The following RBFOX1 variants were observed in gnomAD, a reference collection of about 807,000 sequenced individuals.
RBFOX1 encodes RNA binding protein fox-1 homolog 1.
Under a neutral mutation model 57.7 loss-of-function variants are expected in RBFOX1, and 8 were observed. The ratio of observed to expected loss-of-function variants is 0.14; its 90% CI spans 0.08 to 0.25. The LOEUF (loss-of-function observed/expected upper bound fraction) is 0.25, where lower values mean the gene tolerates loss of function less well. Among genes scored for constraint, RBFOX1 ranks in the 10% least tolerant of loss-of-function variants. The pLI is 1.00. For missense variants in RBFOX1, 611 were observed against 548.5 expected, an observed-to-expected ratio of 1.11 and a Z score of -1.14; for synonymous variants, 326 against 222.4, an observed-to-expected ratio of 1.47 and a Z score of -4.15.
chr16:7,012,558 T>C (rs2093702683), intron 3 of RBFOX1, among the ~76,000 whole-genome samples: 1 of 152,216 alleles, frequency 6.6e-6, no homozygotes, highest in Admixed American at 6.5e-5. Flanking sequence ...TCTGGTTTCC[T>C]TTCTCTCTTG....
chr16:6,787,249 C>G (rs764106790), intron 3 of RBFOX1, among the ~76,000 whole-genome samples: 3 of 152,224 alleles, frequency 2.0e-5, no homozygotes, highest in East Asian at 1.9e-4. Context: ...ATGCAGTTCC[C>G]TAACTGATCG....
chr16:6,960,881 C>G (rs2082824575), intron 3 of RBFOX1, among the ~76,000 whole-genome samples: 1 of 151,168 alleles, frequency 6.6e-6, no homozygotes, highest in South Asian at 2.1e-4. Context: ...CATCTGTAAT[C>G]CCAGCACTTT....
intron 1 of RBFOX1, among the ~76,000 whole-genome samples, chr16:6,064,657 C>T (rs557514704): frequency 2.0e-5 from 3 of 152,264 alleles, no homozygotes; most frequent in South Asian, 4.2e-4. Flanking sequence ...TCTCCTGCCT[C>T]AGCCTCCCAA....
chr16:5,493,059 C>T (rs1381170369), intron 2 of RBFOX1, among the ~76,000 whole-genome samples: 3 of 152,180 alleles, frequency 2.0e-5, no homozygotes, highest in Non-Finnish European at 4.4e-5. Flanking sequence ...TACATATTGT[C>T]TGTGACTTCT....
At chr16:6,078,080 C>A (rs1318555210) in intron 1 of RBFOX1, among the ~76,000 whole-genome samples, 1 of 152,172 alleles carries the variant, frequency 6.6e-6, no homozygotes, top group Non-Finnish European at 1.5e-5. Context: ...TCATCTTTGT[C>A]TAATCTTTAG....
chr16:6,607,724 G>C (rs1204834213), intron 2 of RBFOX1, among the ~76,000 whole-genome samples: 3 of 151,902 alleles, frequency 2.0e-5, no homozygotes, highest in Non-Finnish European at 2.9e-5. Context: ...AATTATTTTA[G>C]AATTTTGTGG....
intron 2 of RBFOX1, among the ~76,000 whole-genome samples, chr16:5,514,338 T>G (rs931310179): frequency 6.6e-6 from 1 of 152,172 alleles, no homozygotes; most frequent in Admixed American, 6.5e-5. Flanking sequence ...GGGCATGTGT[T>G]TCTCATCATG....
chr16:5,463,188 C>T (rs1049501426), intron 1 of RBFOX1, among the ~76,000 whole-genome samples: 1 of 152,174 alleles, frequency 6.6e-6, no homozygotes, highest in African/African-American at 2.4e-5. Flanking sequence ...GGAGTTTTCT[C>T]TTCCTTTATA....
chr16:5,779,195 C>T (rs4513101), intron 3 of RBFOX1, among the ~76,000 whole-genome samples: 41,420 of 151,720 alleles, frequency 0.27, 6,035 homozygotes, highest in East Asian at 0.55. Context: ...CTTTCCTTCC[C>T]CCCTCACGTC....
chr16:5,355,458 G>T (rs1486761809), intron 1 of RBFOX1, among the ~76,000 whole-genome samples: 1 of 152,164 alleles, frequency 6.6e-6, no homozygotes, highest in African/African-American at 2.4e-5. Flanking sequence ...CAATGTCTGG[G>T]TCAGGAGGCA....
At chr16:5,598,774 CAG>C in intron 2 of RBFOX1, 1 of 696,202 alleles carries the variant, frequency 1.4e-6, no homozygotes, top group South Asian at 1.9e-5. Flanking sequence ...GGTGGAGAGA[CAG>C]AGGGTACTGT....
chr16:5,484,513 C>T (rs1050940508), intron 2 of RBFOX1, among the ~76,000 whole-genome samples: 7 of 151,920 alleles, frequency 4.6e-5, no homozygotes, highest in Non-Finnish European at 7.4e-5. Context: ...GCACAGTGGC[C>T]CATGCCTGTA....
At chr16:6,863,082 GAA>G in intron 3 of RBFOX1, among the ~76,000 whole-genome samples, 1 of 151,848 alleles carries the variant, frequency 6.6e-6, no homozygotes, top group Non-Finnish European at 1.5e-5. Context: ...GTATGGTGGA[GAA>G]CAGTGGAAGG....
intron 3 of RBFOX1, among the ~76,000 whole-genome samples, chr16:6,956,763 C>T (rs2081936411): frequency 6.6e-6 from 1 of 152,206 alleles, no homozygotes; most frequent in East Asian, 1.9e-4. Context: ...TGACCAGGCA[C>T]AGATGGGTAG....
chr16:5,719,957 C>T (rs962522023), intron 3 of RBFOX1, among the ~76,000 whole-genome samples: 2 of 152,018 alleles, frequency 1.3e-5, no homozygotes, highest in African/African-American at 2.4e-5. Context: ...GACTCTTCCC[C>T]GCCCCGCCCC....
chr16:6,364,224 A>T (rs920879970), intron 2 of RBFOX1, among the ~76,000 whole-genome samples: 23 of 152,350 alleles, frequency 1.5e-4, no homozygotes, highest in African/African-American at 5.0e-4. Flanking sequence ...GGCAGAATTC[A>T]AAAGTGCTTT....
chr16:7,340,355 C>T (rs1403336564), intron 4 of RBFOX1, among the ~76,000 whole-genome samples: 1 of 152,192 alleles, frequency 6.6e-6, no homozygotes, highest in Non-Finnish European at 1.5e-5. Context: ...CACTTGTTGC[C>T]ATTGATCATA....
chr16:5,663,524 C>T (rs1301802582), intron 3 of RBFOX1, among the ~76,000 whole-genome samples: 1 of 152,110 alleles, frequency 6.6e-6, no homozygotes, highest in Non-Finnish European at 1.5e-5. Context: ...TATTGAATAG[C>T]CAATTGAAAT....
chr16:7,024,021 TA>T lies in RBFOX1; in HGVS notation c.-15-28035del, dbSNP rs1419430731. On this transcript the variant is annotated intron_variant, in intron 3 of 15. Transcript: ENST00000550418. ...GGTTTCTATATCCTCCTGATAACCG[TA>T]TGTTGAAAAAGGATTTAAGAGGAAG... Among the ~76,000 whole-genome samples the T allele has an allele frequency of 6.0e-3, 915 of 152,178 alleles. 10 individuals are homozygous for T. The highest frequency in any genetic ancestry group is 0.021 in the African/African-American group (877 of 41,528).
Sources: allele counts gnomAD v4.1 joint callset (sites outside exome capture counted in the v4.1 genomes callset), GRCh38; gene constraint gnomAD v4.1.1; transcripts MANE v1.5; gene names NCBI Gene and HGNC (gene_info 2026-07-23, HGNC 2026-07-21).